Variants in LMBR1 observed in about 807,000 individuals in gnomAD.
LMBR1 encodes limb region 1 protein homolog.
In LMBR1, 52 loss-of-function variants were observed where a neutral mutation model predicts 73.9. The ratio of observed to expected loss-of-function variants is 0.70; its 90% confidence interval spans 0.56 to 0.89. The LOEUF (loss-of-function observed/expected upper bound fraction) is 0.89, where lower values mean the gene tolerates loss of function less well. Among genes scored for constraint, LMBR1 ranks in the 40% least tolerant of loss-of-function variants. The pLI is 0.00. For missense variants in LMBR1, 539 were observed against 579.8 expected, an observed-to-expected ratio of 0.93 and a Z score of 0.72; for synonymous variants, 215 against 209.4, an observed-to-expected ratio of 1.03 and a Z score of -0.23.
intron 15 of LMBR1, among the ~76,000 whole-genome samples, chr7:156,716,699 G>A (rs1045722855): frequency 1.1e-4 from 16 of 152,100 alleles, no homozygotes; most frequent in Admixed American, 8.5e-4. Flanking sequence ...AAGGACATCC[G>A]CTTAGAATCT....
At chr7:156,821,457 G>A (rs117120107) in intron 4 of LMBR1, among the ~76,000 whole-genome samples, 4,036 of 152,308 alleles carry the variant, frequency 0.026, 76 homozygotes, top group Non-Finnish European at 0.039. Flanking sequence ...GAAACTCTCC[G>A]ATGGGCAGAT....
At chr7:156,673,906 T>TAA (rs3030984), downstream of LMBR1, among the ~76,000 whole-genome samples, 1,776 of 100,810 alleles carry the variant, frequency 0.018, 41 homozygotes, top group African/African-American at 0.07. Flanking sequence ...TCCACATTAA[T>TAA]AAAAAAAAAA....
At chr7:156,686,476 C>T (rs1189296245) in intron 16 of LMBR1, among the ~76,000 whole-genome samples, 1 of 152,158 alleles carries the variant, frequency 6.6e-6, no homozygotes, top group Non-Finnish European at 1.5e-5. Flanking sequence ...TCAAACATTA[C>T]ATATACTTAA....
chr7:156,869,200 C>T lies in LMBR1; in HGVS notation c.66+23728G>A, dbSNP rs904551331. 2.6e-5 allele frequency among the ~76,000 whole-genome samples: 4 copies of T among 152,058 alleles called. No individual in the cohort carries two copies. In the South Asian group the frequency reaches 8.3e-4, roughly 32 times the overall value. On this transcript the variant is annotated intron_variant, in intron 1 of 16. Transcript: ENST00000353442. ...TCATGCCTTAAGTTTCTTAAATTAT[C>T]TTACTACCAAGGTGTTCAGGAAATT... is the stretch of plus-strand genomic sequence containing the variant.
chr7:156,687,313 C>A (rs1186326426), intron 16 of LMBR1, among the ~76,000 whole-genome samples: 1 of 152,170 alleles, frequency 6.6e-6, no homozygotes, highest in Non-Finnish European at 1.5e-5. Flanking sequence ...TTCCCTTCTT[C>A]TGTCATAAAA....
intron 1 of LMBR1, among the ~76,000 whole-genome samples, chr7:156,882,241 A>G (rs1373688677): frequency 6.6e-6 from 1 of 152,218 alleles, no homozygotes; most frequent in Non-Finnish European, 1.5e-5. Context: ...CAGGAGTTTG[A>G]GACCAGCCTG....
At chr7:156,754,500 A>G (rs140923937) in intron 9 of LMBR1, among the ~76,000 whole-genome samples, 138 of 152,130 alleles carry the variant, frequency 9.1e-4, no homozygotes, top group African/African-American at 3.2e-3. Flanking sequence ...CACACATCCC[A>G]ACACACACTA....
chr7:156,699,574 C>G (rs200064039), intron 15 of LMBR1, among the ~76,000 whole-genome samples: 10,927 of 150,616 alleles, frequency 0.073, 567 homozygotes, highest in East Asian at 0.14. Flanking sequence ...TTAAACTAAA[C>G]AGCTTCTGCA....
intron 9 of LMBR1, among the ~76,000 whole-genome samples, chr7:156,739,817 C>T (rs1297910728): frequency 1.3e-5 from 2 of 152,148 alleles, no homozygotes; most frequent in Non-Finnish European, 2.9e-5. Context: ...ACAATAAATA[C>T]TTAACTCTTC....
Position 156,756,305 on chromosome 7 carries a change from A to T in LMBR1, c.757+88T>A, listed in dbSNP as rs1014254869. 4 of 702,214 alleles carry T rather than the reference A, an allele frequency of 5.7e-6. No homozygotes were observed. In the African/African-American group the frequency reaches 7.3e-5, roughly 13 times the overall value. 43.5% of individuals were successfully genotyped at this position (702,214 alleles called of 1,614,324 possible). ...TCTTGTAGCAGCACAAGATTCAGAG[A>T]GGTTTATATTTTTTCTCTTCAATTA... On this transcript the variant is annotated intron_variant, in intron 9 of 16. Transcript: ENST00000353442.
At chr7:156,697,944 T>C (rs948827877) in intron 15 of LMBR1, among the ~76,000 whole-genome samples, 1 of 152,234 alleles carries the variant, frequency 6.6e-6, no homozygotes, top group Admixed American at 6.5e-5. Context: ...AAATGAGATC[T>C]TCACAATTTA....
rs568220223 is a variant in LMBR1 at position 156,781,010 on chromosome 7, G to A, written c.423+15379C>T. Among the ~76,000 whole-genome samples, 238 of 152,310 alleles carry A rather than the reference G, an allele frequency of 1.6e-3. 2 individuals carry two copies. Among genetic ancestry groups the A allele is most frequent in the African/African-American group, 5.6e-3 (232 of 41,566 alleles). On this transcript the variant is annotated intron_variant, in intron 5 of 16. Coordinates refer to ENST00000353442, the MANE Select transcript of LMBR1 (RefSeq NM_022458.4). ...AACGTTAGTTTTCAGTTCCATAAAA[G>A]CAAGCTCATACTAAGGTCAAATGCT...
intron 3 of LMBR1, among the ~76,000 whole-genome samples, chr7:156,830,435 A>G (rs1453623127): frequency 6.6e-6 from 1 of 152,228 alleles, no homozygotes; most frequent in Non-Finnish European, 1.5e-5. Context: ...AGAAGTACAT[A>G]TGGAAACAAG....
intron 1 of LMBR1, among the ~76,000 whole-genome samples, chr7:156,862,129 A>G (rs1218745797): frequency 1.3e-5 from 2 of 152,252 alleles, no homozygotes; most frequent in Non-Finnish European, 2.9e-5. Flanking sequence ...AATTTACAAA[A>G]GAAAGAGTTT....
At chr7:156,829,500 G>GT (rs1233300858) in intron 3 of LMBR1, among the ~76,000 whole-genome samples, 2 of 152,176 alleles carry the variant, frequency 1.3e-5, no homozygotes, top group Non-Finnish European at 2.9e-5. Flanking sequence ...TGCACCATGA[G>GT]TAAACGCTTC....
At chr7:156,888,778 G>A (rs941619046) in intron 1 of LMBR1, among the ~76,000 whole-genome samples, 20 of 152,102 alleles carry the variant, frequency 1.3e-4, no homozygotes, top group Non-Finnish European at 2.2e-4. Context: ...AATGAGGCCA[G>A]GCACAGTGGC....
intron 2 of LMBR1, among the ~76,000 whole-genome samples, chr7:156,835,257 G>GCT (rs1363801900): frequency 0.02 from 3,052 of 152,272 alleles, 106 homozygotes; most frequent in African/African-American, 0.069. Flanking sequence ...CTGCTTCAGT[G>GCT]TCAAGGGTGT....
intron 4 of LMBR1, among the ~76,000 whole-genome samples, chr7:156,802,895 T>C (rs945294782): frequency 6.6e-6 from 1 of 152,140 alleles, no homozygotes; most frequent in South Asian, 2.1e-4. Context: ...AAACAAGAAA[T>C]GGGGAAAGGA....
chr7:156,747,561 T>C (rs1348434163), intron 9 of LMBR1, among the ~76,000 whole-genome samples: 1 of 152,158 alleles, frequency 6.6e-6, no homozygotes, highest in Non-Finnish European at 1.5e-5. Flanking sequence ...CTTCAAATAA[T>C]TGATGAAATA....
Sources: allele counts gnomAD v4.1 joint callset (sites outside exome capture counted in the v4.1 genomes callset), GRCh38; gene constraint gnomAD v4.1.1; transcripts MANE v1.5; gene names NCBI Gene and HGNC (gene_info 2026-07-23, HGNC 2026-07-21).